CEP162: variants seen among roughly 807,000 people sequenced by gnomAD.
CEP162 encodes centrosomal protein of 162 kDa.
CEP162 carries 141 observed loss-of-function variants against 169.2 expected under a neutral mutation model. The observed-to-expected ratio is 0.83, with a 90% CI of 0.73 to 0.96. The LOEUF (loss-of-function observed/expected upper bound fraction) is 0.96, where lower values mean the gene tolerates loss of function less well. CEP162 is among the 40% of genes least tolerant of loss of function. The pLI is 0.00. For missense variants in CEP162, 1,600 were observed against 1,587.2 expected, an observed-to-expected ratio of 1.01 and a Z score of -0.14; for synonymous variants, 540 against 526.4, an observed-to-expected ratio of 1.03 and a Z score of -0.35.
chr6:84,194,762 C>A, intron 10 of CEP162, 122 bp downstream of exon 10: 5 of 842,562 alleles, frequency 5.9e-6, no homozygotes, highest in East Asian at 2.7e-5. Context: ...GAAAAAATTT[C>A]TTTAATTAAG....
chr6:84,130,104 A>G (rs541031569), intron 25 of CEP162, among the ~76,000 whole-genome samples: 99 of 152,332 alleles, frequency 6.5e-4, no homozygotes, highest in African/African-American at 2.3e-3. Context: ...CCTCTTCTGC[A>G]TCTATAGAGA....
intron 19 of CEP162, among the ~76,000 whole-genome samples, chr6:84,162,939 T>G (rs1022055151): frequency 6.6e-6 from 1 of 152,186 alleles, no homozygotes; most frequent in Non-Finnish European, 1.5e-5. Flanking sequence ...AAATAATTCT[T>G]GATTTTCTCT....
intron 25 of CEP162, among the ~76,000 whole-genome samples, chr6:84,132,755 T>G (rs2099512156): frequency 6.6e-6 from 1 of 152,174 alleles, no homozygotes; most frequent in Non-Finnish European, 1.5e-5. Context: ...TACTCTTTTT[T>G]CAAGGTTTTT....
intron 11 of CEP162, among the ~76,000 whole-genome samples, chr6:84,189,460 G>C (rs940423976): frequency 2.0e-5 from 3 of 152,216 alleles, no homozygotes; most frequent in African/African-American, 7.2e-5. Flanking sequence ...CCCCGCACTC[G>C]GAGCAGCCAG....
intron 11 of CEP162, among the ~76,000 whole-genome samples, chr6:84,187,988 C>A (rs969669256): frequency 1.3e-5 from 2 of 151,910 alleles, no homozygotes; most frequent in African/African-American, 4.8e-5. Context: ...TAAGATTCAG[C>A]CTTGAAGAAT....
At chr6:84,132,455 T>A (rs1436819787) in intron 25 of CEP162, among the ~76,000 whole-genome samples, 1 of 152,232 alleles carries the variant, frequency 6.6e-6, no homozygotes, top group Non-Finnish European at 1.5e-5. Flanking sequence ...CTTGGTTCCA[T>A]TCTCCCCGTC....
intron 8 of CEP162, among the ~76,000 whole-genome samples, chr6:84,201,412 G>C (rs1275920076): frequency 6.6e-6 from 1 of 152,208 alleles, no homozygotes; most frequent in Non-Finnish European, 1.5e-5. Flanking sequence ...CTATGTGTGT[G>C]TGTGTGTATG....
At chr6:84,158,073 A>G (rs978831689) in intron 21 of CEP162, among the ~76,000 whole-genome samples, 1 of 152,238 alleles carries the variant, frequency 6.6e-6, no homozygotes, top group African/African-American at 2.4e-5. Context: ...ACAGCTTATT[A>G]TATATGCCTG....
chr6:84,126,437 C>A lies in CEP162; in HGVS notation c.3946G>T (p.Glu1316Ter). ...ATTTCCATCTGCTTAATTTTCTTTTCTAAGCCCACGAAATGTTTCATCTCT... is the reference window on the plus strand; with the variant it reads ...ATTTCCATCTGCTTAATTTTCTTTTATAAGCCCACGAAATGTTTCATCTCT... ...TPEMKHFVGL[E>*]KKIKQMEMRH... Residue 1316 changes from glutamate to a stop codon, truncating the protein, a stop_gained, in exon 26 of 27, where the codon GAA (glutamate) becomes TAA (stop). Coordinates refer to ENST00000403245, the MANE Select transcript of CEP162 (RefSeq NM_014895.4). LOFTEE classifies it high-confidence loss of function. The A allele has an allele frequency of 6.3e-7, 1 of 1,597,578 alleles. No individual in the cohort carries two copies. The highest frequency in any genetic ancestry group is 2.3e-5 in the East Asian group (1 of 44,338).
rs140977484 is a variant in CEP162, at chr6:84,169,667, G to T, written c.2280-234C>A. Among the ~76,000 whole-genome samples the T allele has an allele frequency of 5.8e-3, 886 of 152,072 alleles. 13 individuals carry two copies. The highest frequency in any genetic ancestry group is 0.02 in the African/African-American group (822 of 41,488). ...AAAGAACTGAAACCTAAGATTATTG[G>T]TTTATTTATAATATAAAAATATTAA... On this transcript the variant is annotated intron_variant, in intron 17 of 26. Coordinates refer to ENST00000403245, the MANE Select transcript of CEP162 (RefSeq NM_014895.4).
intron 13 of CEP162, among the ~76,000 whole-genome samples, chr6:84,184,126 G>A (rs1443949818): frequency 1.3e-5 from 2 of 152,026 alleles, no homozygotes; most frequent in East Asian, 3.9e-4. Context: ...TTCTTCCACT[G>A]TGCACCAGAT....
chr6:84,202,558 C>T (rs1409153516), intron 7 of CEP162, among the ~76,000 whole-genome samples: 6 of 114,894 alleles, frequency 5.2e-5, no homozygotes, highest in African/African-American at 7.1e-5. Context: ...GACAGGGTTG[C>T]GCTCTGTTGC....
At chr6:84,164,400 A>G (rs941627088) in intron 18 of CEP162, among the ~76,000 whole-genome samples, 1 of 152,228 alleles carries the variant, frequency 6.6e-6, no homozygotes, top group African/African-American at 2.4e-5. Context: ...ACATGCACAC[A>G]TATGTTTATT....
intron 3 of CEP162, chr6:84,219,073 A>G: frequency 2.7e-6 from 2 of 752,256 alleles, no homozygotes; most frequent in South Asian, 3.7e-5. Flanking sequence ...TATAATGTAA[A>G]AGCCGCTCAC....
At chr6:84,136,791 A>C (rs2099514284) in intron 25 of CEP162, among the ~76,000 whole-genome samples, 1 of 152,244 alleles carries the variant, frequency 6.6e-6, no homozygotes, top group Non-Finnish European at 1.5e-5. Flanking sequence ...GTTTAAAGAC[A>C]CTAGAAGTGG....
chr6:84,223,948 A>G (rs954864517), intron 2 of CEP162, among the ~76,000 whole-genome samples: 1 of 152,118 alleles, frequency 6.6e-6, no homozygotes, highest in Non-Finnish European at 1.5e-5. Context: ...AAACTAATAC[A>G]CTACTAGTGG....
chr6:84,221,597 G>C (rs1170246933), intron 2 of CEP162, among the ~76,000 whole-genome samples: 1 of 152,134 alleles, frequency 6.6e-6, no homozygotes, highest in African/African-American at 2.4e-5. Context: ...AGAGGAGGAT[G>C]AAATTGACCA....
chr6:84,185,364 G>A lies in CEP162; in HGVS notation c.1486C>T (p.Pro496Ser). 1 of 1,613,586 alleles carries A rather than the reference G, an allele frequency of 6.2e-7. No individual in the cohort carries two copies. The highest frequency in any genetic ancestry group is 8.5e-7 in the Non-Finnish European group (1 of 1,179,632). The change falls in exon 13 of 27, where the codon CCT becomes TCT. Residue 496 changes from proline to serine, a missense_variant. Physicochemically the swap from Pro to Ser is moderately conservative, Grantham distance 74. Coordinates refer to ENST00000403245, the MANE Select transcript of CEP162 (RefSeq NM_014895.4). Reference protein sequence around the residue: ...VPYKKARSAPPLLKRKPQSGL... With the variant: ...VPYKKARSAPSLLKRKPQSGL... ...CTCTGGGGTTTCCTTTTAAGTAAAG[G>A]AGGTGCACTTCTGGCCTTCTTGTAT... is the stretch of plus-strand genomic sequence containing the variant.
At chr6:84,191,110 C>T (rs546746049) in intron 11 of CEP162, among the ~76,000 whole-genome samples, 5 of 151,408 alleles carry the variant, frequency 3.3e-5, no homozygotes, top group East Asian at 1.9e-4. Flanking sequence ...TATTAAGTTA[C>T]GAAACTTTCT....
Sources: allele counts gnomAD v4.1 joint callset (sites outside exome capture counted in the v4.1 genomes callset), GRCh38; gene constraint gnomAD v4.1.1; transcripts MANE v1.5; gene names NCBI Gene and HGNC (gene_info 2026-07-23, HGNC 2026-07-21).